Variants in FRMPD1 observed in about 807,000 individuals in gnomAD.
FRMPD1 encodes the protein FERM and PDZ domain-containing protein 1.
A neutral mutation model predicts 117.8 loss-of-function variants in FRMPD1; 76 were observed. The ratio of observed to expected loss-of-function variants is 0.65; its 90% CI spans 0.54 to 0.78. The LOEUF is 0.78. Among genes scored for constraint, FRMPD1 ranks in the 30% least tolerant of loss-of-function variants. The pLI is 0.00. For missense variants in FRMPD1, 1,786 were observed against 1,964.5 expected (o/e 0.91, Z 1.72); for synonymous variants, 783 against 770.4 (o/e 1.02, Z -0.27).
chr9:37,663,170 G>T (rs1821050705), intron 1 of FRMPD1, among the ~76,000 whole-genome samples: 1 of 152,162 alleles, frequency 6.6e-6, no homozygotes, highest in Non-Finnish European at 1.5e-5. Flanking sequence ...TTTGTAGCTG[G>T]ACTAGTAAGT....
chr9:37,689,158 T>C (rs2118002188), intron 1 of FRMPD1, among the ~76,000 whole-genome samples: 1 of 152,246 alleles, frequency 6.6e-6, no homozygotes, highest in Middle Eastern at 3.4e-3. Flanking sequence ...TTGGACATTA[T>C]CTAATTATTA....
At chr9:37,610,747 A>G in the FRMPD1 span, among the ~76,000 whole-genome samples, 2 of 152,084 alleles carry the variant, frequency 1.3e-5, no homozygotes, top group Admixed American at 1.3e-4. Context: ...GGCGTGCGCC[A>G]TCACACCTGG....
chr9:37,746,370 T>C lies in FRMPD1; in HGVS notation c.4338T>C (p.His1446=). ...CTTCCTGGGGGGTTGGAAACAAACATCCCCCAGAGAAGTGCACCTGGCACT... is the reference window on the plus strand; with the variant it reads ...CTTCCTGGGGGGTTGGAAACAAACACCCCCCAGAGAAGTGCACCTGGCACT... ...LETSWGVGNK[H]PPEKCTWHFT... is the part of the protein sequence containing the mutation. The change falls in exon 16 of 16, where the codon CAT becomes CAC. Residue 1446 remains histidine, a synonymous_variant. Coordinates refer to ENST00000377765, the MANE Select transcript of FRMPD1 (RefSeq NM_014907.3). 1 of 1,612,354 alleles carries C rather than the reference T, an allele frequency of 6.2e-7. No homozygotes were observed. Among genetic ancestry groups the C allele is most frequent in the Non-Finnish European group, 8.5e-7 (1 of 1,179,670 alleles).
In FRMPD1 at chr9:37,744,343, C is replaced by CT. The variant is rs746290082; in HGVS notation, c.2357-38dup. ...GCCTGAGCCCAAGCTCTATTAACCTCTTTTTTTTGTGCTTTTTAATGTATT... is the reference window on the plus strand; with the variant it reads ...GCCTGAGCCCAAGCTCTATTAACCTCTTTTTTTTTGTGCTTTTTAATGTATT... On this transcript the variant is annotated intron_variant, in intron 15 of 15. Transcript: ENST00000377765. 155 of 1,433,054 alleles carry CT rather than the reference C, an allele frequency of 1.1e-4. 1 individual carries two copies. The highest frequency in any genetic ancestry group is 2.3e-4 in the South Asian group (17 of 73,508). 88.8% of individuals were successfully genotyped at this position (1,433,054 alleles called of 1,614,324 possible). A position where few individuals can be genotyped will look rare whatever the true frequency, so the allele number is the denominator to read the frequency against.
chr9:37,627,266 A>G, the FRMPD1 span, among the ~76,000 whole-genome samples: 1 of 152,060 alleles, frequency 6.6e-6, no homozygotes, highest in Non-Finnish European at 1.5e-5. Flanking sequence ...AATCCCCAAG[A>G]CACCTCTTTG....
chr9:37,678,586 A>G (rs1021689006), intron 1 of FRMPD1, among the ~76,000 whole-genome samples: 2 of 119,346 alleles, frequency 1.7e-5, no homozygotes, highest in Non-Finnish European at 3.8e-5. Flanking sequence ...AACAGTCTTA[A>G]TTTCCTTTTT....
At chr9:37,685,861 T>A (rs1821922040) in intron 1 of FRMPD1, among the ~76,000 whole-genome samples, 1 of 152,244 alleles carries the variant, frequency 6.6e-6, no homozygotes. Context: ...TATCCTTTGC[T>A]GCCTCCACTG....
chr9:37,724,022 A>C (rs1823511163), intron 6 of FRMPD1, among the ~76,000 whole-genome samples: 1 of 151,734 alleles, frequency 6.6e-6, no homozygotes, highest in Non-Finnish European at 1.5e-5. Flanking sequence ...AATAAAAAAA[A>C]ATAAAAGCCA....
chr9:37,670,454 G>A (rs1049359503), intron 1 of FRMPD1, among the ~76,000 whole-genome samples: 10 of 152,178 alleles, frequency 6.6e-5, no homozygotes, highest in Admixed American at 6.5e-4. Context: ...TTAAAAGGAG[G>A]TGGAATTTGA....
chr9:37,715,887 A>G (rs1588951623), intron 5 of FRMPD1, among the ~76,000 whole-genome samples: 1 of 152,260 alleles, frequency 6.6e-6, no homozygotes, highest in East Asian at 1.9e-4. Context: ...GACTCCCACC[A>G]AGTAGCTCGG....
intron 4 of FRMPD1, among the ~76,000 whole-genome samples, chr9:37,710,966 A>G (rs1244453308): frequency 1.3e-5 from 2 of 151,972 alleles, no homozygotes; most frequent in East Asian, 1.9e-4. Context: ...TCACAAAAAA[A>G]AAAAAAAAAA....
the FRMPD1 span, among the ~76,000 whole-genome samples, chr9:37,645,100 G>GGAAAAAAAAAAAAAA: frequency 8.4e-6 from 1 of 119,574 alleles, no homozygotes. Flanking sequence ...TGAGCCAGCA[G>GGAAAAAAAAAAAAAA]AAAAAAAAAA....
chr9:37,658,049 A>G (rs1004855609), intron 1 of FRMPD1, among the ~76,000 whole-genome samples: 10 of 151,960 alleles, frequency 6.6e-5, no homozygotes, highest in Admixed American at 4.6e-4. Context: ...CTTCTTCCCT[A>G]TGACAGCTAG....
chr9:37,724,769 T>C (rs894577239), intron 7 of FRMPD1, among the ~76,000 whole-genome samples: 6 of 152,176 alleles, frequency 3.9e-5, no homozygotes, highest in Non-Finnish European at 8.8e-5. Context: ...CCATATGAGA[T>C]GATCTGAGAG....
intron 7 of FRMPD1, among the ~76,000 whole-genome samples, chr9:37,727,458 C>T (rs556186395): frequency 1.3e-5 from 2 of 152,234 alleles, no homozygotes; most frequent in South Asian, 2.1e-4. Flanking sequence ...AGTTTGCCAA[C>T]CTTTGCTCTA....
the FRMPD1 span, among the ~76,000 whole-genome samples, chr9:37,629,688 TA>T: frequency 2.6e-5 from 4 of 152,196 alleles, no homozygotes; most frequent in East Asian, 1.9e-4. Flanking sequence ...CAGTGCTTTT[TA>T]AAAAAAATGT....
At chr9:37,711,939 G>A (rs547110492) in intron 5 of FRMPD1, among the ~76,000 whole-genome samples, 2 of 152,226 alleles carry the variant, frequency 1.3e-5, no homozygotes, top group Admixed American at 6.5e-5. Context: ...ATTATTTAGG[G>A]AAAGTATATA....
chr9:37,666,474 C>T (rs1251574451), intron 1 of FRMPD1, among the ~76,000 whole-genome samples: 1 of 152,156 alleles, frequency 6.6e-6, no homozygotes, highest in East Asian at 1.9e-4. Context: ...CTTTGGTCTT[C>T]AGGGTAGCCC....
chr9:37,628,926 C>T, the FRMPD1 span, among the ~76,000 whole-genome samples: 5 of 152,186 alleles, frequency 3.3e-5, no homozygotes, highest in Admixed American at 1.3e-4. Context: ...AGGCCGGGCG[C>T]GGTGGCTCAC....
Sources: allele counts gnomAD v4.1 joint callset (sites outside exome capture counted in the v4.1 genomes callset), GRCh38; gene constraint gnomAD v4.1.1; transcripts MANE v1.5; gene names NCBI Gene and HGNC (gene_info 2026-07-23, HGNC 2026-07-21).